ZNF841: variants seen among roughly 807,000 people sequenced by gnomAD.
The protein encoded by ZNF841 is TCONS_00006091.
Under a neutral mutation model 13.0 loss-of-function variants are expected in ZNF841, and 11 were observed. That is an observed-to-expected ratio of 0.85 (90% CI 0.53 to 1.40). The LOEUF is 1.40. ZNF841 is among the 40% of genes most tolerant of loss of function. The pLI is 0.00. For missense variants in ZNF841, 1,068 were observed against 1,139.5 expected (o/e 0.94, Z 0.90); for synonymous variants, 369 against 381.6 (o/e 0.97, Z 0.38).
chr19:52,085,693 G>A (rs1002317247), intron 3 of ZNF841, among the ~76,000 whole-genome samples: 5 of 152,202 alleles, frequency 3.3e-5, no homozygotes, highest in South Asian at 4.1e-4. Flanking sequence ...CCTGAGGCAG[G>A]AGCAACCTCA....
At chr19:52,079,331 T>C (rs1475017308) in intron 4 of ZNF841, among the ~76,000 whole-genome samples, 1 of 149,814 alleles carries the variant, frequency 6.7e-6, no homozygotes, top group Non-Finnish European at 1.5e-5. Context: ...TGTAATACAT[T>C]AAAATTTAAC....
intron 3 of ZNF841, among the ~76,000 whole-genome samples, chr19:52,088,207 C>T (rs1443887411): frequency 4.6e-5 from 7 of 152,146 alleles, no homozygotes; most frequent in Non-Finnish European, 8.8e-5. Flanking sequence ...TCAAGACCAA[C>T]GAACCAACCC....
chr19:52,093,062 G>A (rs2088558674), intron 2 of ZNF841, among the ~76,000 whole-genome samples: 1 of 152,172 alleles, frequency 6.6e-6, no homozygotes, highest in Non-Finnish European at 1.5e-5. Flanking sequence ...GTTGTAGTGA[G>A]CTGAGATTGC....
At chr19:52,095,095 C>T (rs1322803975) in intron 1 of ZNF841, among the ~76,000 whole-genome samples, 1 of 152,192 alleles carries the variant, frequency 6.6e-6, no homozygotes, top group African/African-American at 2.4e-5. Context: ...ATGCCCACCT[C>T]CCGGAAGAGC....
At chr19:52,093,133 T>C (rs1364159725) in intron 2 of ZNF841, among the ~76,000 whole-genome samples, 1 of 151,962 alleles carries the variant, frequency 6.6e-6, no homozygotes, top group African/African-American at 2.4e-5. Context: ...AAGAAAACCT[T>C]ACAAAATATC....
chr19:52,066,605 T>C lies in ZNF841; in HGVS notation c.1277A>G (p.Lys426Arg), dbSNP rs1318524689. 2 of 1,613,728 alleles carry C rather than the reference T, an allele frequency of 1.2e-6. No homozygotes were observed. Among genetic ancestry groups the C allele is most frequent in the African/African-American group, 1.3e-5 (1 of 75,026 alleles). The change falls in exon 7 of 7, where the codon AAG becomes AGG. Residue 426 changes from lysine to arginine, a missense_variant. By Grantham distance (26) the Lys-to-Arg change is conservative. Transcript: ENST00000594440. ...ACATACATCACATGTATATGGTTTC[T>C]TTCCTGCATGGATTATATGATGTGC... ...LTAHHIIHAG[K>R]KPYTCDVCGK...
chr19:52,085,163 C>G (rs2088228612), intron 3 of ZNF841, among the ~76,000 whole-genome samples: 1 of 152,176 alleles, frequency 6.6e-6, no homozygotes, highest in Admixed American at 6.5e-5. Context: ...AAACCCCATA[C>G]AGAGCACAGC....
At chr19:52,073,790 T>C (rs1338071153) in intron 6 of ZNF841, among the ~76,000 whole-genome samples, 1 of 152,172 alleles carries the variant, frequency 6.6e-6, no homozygotes, top group Non-Finnish European at 1.5e-5. Context: ...GATAGGAGAA[T>C]AGTTATTATA....
At chr19:52,070,597 C>T (rs2123244120) in intron 6 of ZNF841, among the ~76,000 whole-genome samples, 1 of 152,342 alleles carries the variant, frequency 6.6e-6, no homozygotes, top group South Asian at 2.1e-4. Context: ...AGTTTGCCCA[C>T]ATCCTGCATT....
intron 4 of ZNF841, among the ~76,000 whole-genome samples, chr19:52,082,703 T>TTGTAA (rs2088138776): frequency 6.6e-6 from 1 of 152,066 alleles, no homozygotes; most frequent in African/African-American, 2.4e-5. Flanking sequence ...AAATGAAAAA[T>TTGTAA]TGTAAAAGAT....
intron 4 of ZNF841, among the ~76,000 whole-genome samples, chr19:52,081,684 T>C (rs775807827): frequency 3.3e-5 from 5 of 152,124 alleles, no homozygotes; most frequent in Non-Finnish European, 7.4e-5. Flanking sequence ...CAAAATCCCA[T>C]CTCTACAAAG....
chr19:52,094,495 C>A (rs1362143253), intron 1 of ZNF841, among the ~76,000 whole-genome samples: 5 of 152,082 alleles, frequency 3.3e-5, no homozygotes, highest in Non-Finnish European at 1.5e-5. Flanking sequence ...CTTCACCTCT[C>A]GTAGCTCTTT....
chr19:52,072,663 G>A (rs2087772543), intron 6 of ZNF841, among the ~76,000 whole-genome samples: 1 of 151,858 alleles, frequency 6.6e-6, no homozygotes, highest in East Asian at 1.9e-4. Context: ...CCAACATAGT[G>A]AAACCCTCAG....
In ZNF841 at chr19:52,065,485, G is replaced by T; in HGVS notation, c.2397C>A (p.Gly799=). 2.5e-6 allele frequency: 4 copies of T among 1,613,772 alleles called. No homozygotes were observed. Among genetic ancestry groups the T allele is most frequent in the Non-Finnish European group, 3.4e-6 (4 of 1,179,978 alleles). The change falls in exon 7 of 7, where the codon GGC becomes GGA. Residue 799 remains glycine, a synonymous_variant. Coordinates refer to ENST00000594440, the MANE Select transcript of ZNF841 (RefSeq NM_001136499.2). ...GEKPYKCNEC[G]KAFRVRSILL... is the part of the protein sequence containing the mutation. ...GAATTGAACGTACTCTAAAGGCTTT[G>T]CCACACTCATTACATTTGTAAGGTT...
chr19:52,087,967 C>T (rs1291730806), intron 3 of ZNF841, among the ~76,000 whole-genome samples: 1 of 150,926 alleles, frequency 6.6e-6, no homozygotes, highest in Non-Finnish European at 1.5e-5. Context: ...CAAGGAAACT[C>T]TCCATATTGA....
At chr19:52,080,551 T>C (rs1203891210) in intron 4 of ZNF841, among the ~76,000 whole-genome samples, 1 of 152,176 alleles carries the variant, frequency 6.6e-6, no homozygotes. Flanking sequence ...TGGGCTGGTT[T>C]CTCTCTTCCT....
chr19:52,069,882 C>G (rs2123239491), intron 6 of ZNF841, among the ~76,000 whole-genome samples: 1 of 152,186 alleles, frequency 6.6e-6, no homozygotes, highest in South Asian at 2.1e-4. Flanking sequence ...TAAGGTAAAG[C>G]CAATATGCTA....
At chr19:52,077,891 C>T (rs911116119) in intron 4 of ZNF841, among the ~76,000 whole-genome samples, 2 of 152,156 alleles carry the variant, frequency 1.3e-5, no homozygotes, top group African/African-American at 4.8e-5. Flanking sequence ...ATCCCTGCTT[C>T]GAAGATGGTC....
At chr19:52,067,784 A>C (rs1010932614) in intron 6 of ZNF841, among the ~76,000 whole-genome samples, 174 bp from the exon 7 acceptor site, 2 of 152,202 alleles carry the variant, frequency 1.3e-5, no homozygotes, top group African/African-American at 4.8e-5. Context: ...TAGTAAAGAA[A>C]AAGTGATTAC....
Sources: gnomAD v4.1 joint callset for allele counts (sites outside exome capture counted in the v4.1 genomes callset) on GRCh38, gnomAD v4.1.1 for gene constraint, MANE v1.5 for transcripts, NCBI Gene and HGNC (gene_info 2026-07-23, HGNC 2026-07-21) for gene names.